FIGN: variants seen among roughly 807,000 people sequenced by gnomAD.
FIGN encodes the protein fidgetin, microtubule severing factor, also known as fidgetin.
Under a neutral mutation model 51.3 loss-of-function variants are expected in FIGN, and 11 were observed. That is an observed-to-expected ratio of 0.21 (90% CI 0.13 to 0.35). The LOEUF (loss-of-function observed/expected upper bound fraction) is 0.35. Among genes scored for constraint, FIGN ranks in the 10% least tolerant of loss-of-function variants. FIGN has a pLI of 1.00. For missense variants in FIGN, 857 were observed against 943.6 expected, an observed-to-expected ratio of 0.91 and a Z score of 1.20; for synonymous variants, 407 against 363.2, an observed-to-expected ratio of 1.12 and a Z score of -1.37.
intron 2 of FIGN, among the ~76,000 whole-genome samples, chr2:163,623,397 T>C (rs576453066): frequency 2.4e-4 from 37 of 152,306 alleles, no homozygotes; most frequent in African/African-American, 8.2e-4. Flanking sequence ...CCATATCTTA[T>C]TGGTGATCTC....
At chr2:163,643,800 C>T (rs1304449017) in intron 2 of FIGN, among the ~76,000 whole-genome samples, 2 of 151,340 alleles carry the variant, frequency 1.3e-5, no homozygotes, top group African/African-American at 2.4e-5. Context: ...GGTGTGGTGG[C>T]GTGCACCTGC....
chr2:163,626,206 C>T (rs914978216), intron 2 of FIGN, among the ~76,000 whole-genome samples: 4 of 151,578 alleles, frequency 2.6e-5, no homozygotes, highest in South Asian at 2.1e-4. Flanking sequence ...AAACTCATTC[C>T]CTTGTGAATT....
intron 2 of FIGN, among the ~76,000 whole-genome samples, chr2:163,723,512 G>T (rs1244744096): frequency 6.6e-6 from 1 of 152,056 alleles, no homozygotes; most frequent in Non-Finnish European, 1.5e-5. Flanking sequence ...CCTAATTAGG[G>T]TGCCTCAAAG....
rs1231753480 is a variant in FIGN at position 163,603,731 on chromosome 2, C to T, written c.*5821G>A. 6.6e-6 allele frequency: 1 copy of T among 152,062 alleles called. No individual in the cohort carries two copies. The highest frequency in any genetic ancestry group is 1.9e-4 in the East Asian group (1 of 5,184). 9.4% of individuals were successfully genotyped at this position (152,062 alleles called of 1,614,324 possible). A position where few individuals can be genotyped will look rare whatever the true frequency, so the allele number is the denominator to read the frequency against. On this transcript the variant is annotated 3_prime_UTR_variant, in exon 3 of 3. Coordinates refer to ENST00000333129, the MANE Select transcript of FIGN (RefSeq NM_018086.4). ...AGTTCATTTGCTTTTGTAAAATATC[C>T]ACAATTTGCTGACAAGCAACTTCAA...
At chr2:163,652,744 A>T (rs16848747) in intron 2 of FIGN, among the ~76,000 whole-genome samples, 12,487 of 152,150 alleles carry the variant, frequency 0.082, 622 homozygotes, top group African/African-American at 0.14. Context: ...TCCATAATTT[A>T]TCTAAAATGT....
rs1275666155 is a variant in FIGN at position 163,604,329 on chromosome 2, A to C, written c.*5223T>G. ...TCTCAGAGATGGGCACATAGGAATA[A>C]AGCTCTATTCTGTATATAATGTCCC... On this transcript the variant is annotated 3_prime_UTR_variant, in exon 3 of 3. Coordinates refer to ENST00000333129, the MANE Select transcript of FIGN (RefSeq NM_018086.4). The C allele has an allele frequency of 1.3e-5, 2 of 152,126 alleles. No homozygotes were observed. Among genetic ancestry groups the C allele is most frequent in the East Asian group, 1.9e-4 (1 of 5,198 alleles). 9.4% of individuals were successfully genotyped at this position (152,126 alleles called of 1,614,324 possible).
At chr2:163,645,296 G>A (rs548875867) in intron 2 of FIGN, among the ~76,000 whole-genome samples, 1 of 152,190 alleles carries the variant, frequency 6.6e-6, no homozygotes, top group African/African-American at 2.4e-5. Flanking sequence ...ATAATGGTAG[G>A]AAACAAGGTT....
At chr2:163,647,944 G>T (rs1292779371) in intron 2 of FIGN, among the ~76,000 whole-genome samples, 2 of 152,100 alleles carry the variant, frequency 1.3e-5, no homozygotes, top group Non-Finnish European at 2.9e-5. Context: ...AGGAGACAAG[G>T]TGTAATAGAT....
In FIGN at chr2:163,677,490, C is replaced by G. The variant is rs942072019; in HGVS notation, c.25+57413G>C. On this transcript the variant is annotated intron_variant, in intron 2 of 2. Coordinates refer to ENST00000333129, the MANE Select transcript of FIGN (RefSeq NM_018086.4). ...AAATGTGGCTACTGCAAATTAGGAA[C>G]TGAATCTTTTATTTTATTAATTTAA... 4.6e-5 allele frequency among the ~76,000 whole-genome samples: 7 copies of G among 152,186 alleles called. 1 individual carries two copies. Among genetic ancestry groups the G allele is most frequent in the Admixed American group, 2.6e-4 (4 of 15,264 alleles).
chr2:163,675,871 A>G (rs572824855), intron 2 of FIGN, among the ~76,000 whole-genome samples: 227 of 149,990 alleles, frequency 1.5e-3, no homozygotes, highest in African/African-American at 5.4e-3. Context: ...ATATTCACTT[A>G]AGGCTCCTTT....
At chr2:163,687,127 A>G (rs1194671530) in intron 2 of FIGN, among the ~76,000 whole-genome samples, 1 of 152,212 alleles carries the variant, frequency 6.6e-6, no homozygotes, top group Non-Finnish European at 1.5e-5. Context: ...CATTTGGAAG[A>G]GTTAGAGGAG....
At chr2:163,665,347 A>C (rs929877131) in intron 2 of FIGN, among the ~76,000 whole-genome samples, 1 of 152,226 alleles carries the variant, frequency 6.6e-6, no homozygotes, top group Non-Finnish European at 1.5e-5. Context: ...ACAATCTTAG[A>C]TGTTCTGAGG....
At chr2:163,671,285 A>G (rs1683871138) in intron 2 of FIGN, among the ~76,000 whole-genome samples, 1 of 152,242 alleles carries the variant, frequency 6.6e-6, no homozygotes, top group Non-Finnish European at 1.5e-5. Flanking sequence ...AACAAAAAGC[A>G]TAGATAAAAA....
rs375540745 is a variant in FIGN at position 163,718,460 on chromosome 2, A to G, written c.25+16443T>C. On this transcript the variant is annotated intron_variant, in intron 2 of 2. Coordinates refer to ENST00000333129, the MANE Select transcript of FIGN (RefSeq NM_018086.4). ...GTAACAGAGACTGACAAATGTACCC[A>G]TCAGTGGAACTGTCTGATTCATCTG... Among the ~76,000 whole-genome samples the G allele has an allele frequency of 5.3e-5, 8 of 152,354 alleles. No homozygotes were observed. The East Asian group carries it at 1.3e-3, about 26-fold the overall frequency.
intron 2 of FIGN, among the ~76,000 whole-genome samples, chr2:163,634,105 TGTGTGTGTG>T (rs1251726005): frequency 3.3e-5 from 5 of 151,578 alleles, no homozygotes; most frequent in Admixed American, 2.6e-4. Flanking sequence ...TGTGTGTGTG[TGTGTGTGTG>T]TGTGTGTGTT....
At chr2:163,619,771 C>T (rs1682937282) in intron 2 of FIGN, among the ~76,000 whole-genome samples, 1 of 152,042 alleles carries the variant, frequency 6.6e-6, no homozygotes, top group African/African-American at 2.4e-5. Flanking sequence ...TAAAGCAACC[C>T]AGGAAATCAT....
At chr2:163,624,571 C>T (rs1449828254) in intron 2 of FIGN, among the ~76,000 whole-genome samples, 1 of 151,668 alleles carries the variant, frequency 6.6e-6, no homozygotes, top group Non-Finnish European at 1.5e-5. Flanking sequence ...ATGACTTGGA[C>T]AATTCTCTCT....
chr2:163,642,391 G>A (rs1241262290), intron 2 of FIGN, among the ~76,000 whole-genome samples: 1 of 152,200 alleles, frequency 6.6e-6, no homozygotes, highest in African/African-American at 2.4e-5. Flanking sequence ...AATAACTAGT[G>A]TGTTCACTTA....
intron 2 of FIGN, among the ~76,000 whole-genome samples, chr2:163,633,543 T>C (rs1002721072): frequency 1.3e-5 from 2 of 152,182 alleles, no homozygotes; most frequent in Non-Finnish European, 2.9e-5. Flanking sequence ...TCAGGGATAT[T>C]GCTGCCTAGA....
Sources: gnomAD v4.1 joint callset for allele counts (sites outside exome capture counted in the v4.1 genomes callset) on GRCh38, gnomAD v4.1.1 for gene constraint, MANE v1.5 for transcripts, NCBI Gene and HGNC (gene_info 2026-07-23, HGNC 2026-07-21) for gene names.